Variants in SEMA5A observed in about 807,000 individuals in gnomAD.
The protein encoded by SEMA5A is semaphorin 5A, also known as semaphorin-5A.
Under a neutral mutation model 135.5 loss-of-function variants are expected in SEMA5A, and 55 were observed. The observed-to-expected ratio is 0.41, with a 90% CI of 0.33 to 0.51. The LOEUF (loss-of-function observed/expected upper bound fraction) is 0.51. SEMA5A is among the 20% of genes least tolerant of loss of function. SEMA5A has a pLI of 0.37. For synonymous variants in SEMA5A, 580 were observed against 546.5 expected (o/e 1.06, Z -0.85); for missense variants, 1,290 against 1,419.9 (o/e 0.91, Z 1.47).
At chr5:9,363,007 T>G (rs1484725136) in intron 3 of SEMA5A, among the ~76,000 whole-genome samples, 2 of 152,230 alleles carry the variant, frequency 1.3e-5, no homozygotes, top group Non-Finnish European at 2.9e-5. Flanking sequence ...TACTTTTTAC[T>G]TTTGAGTTTA....
intron 21 of SEMA5A, among the ~76,000 whole-genome samples, chr5:9,049,134 A>G (rs1405921229): frequency 1.3e-5 from 2 of 149,588 alleles, no homozygotes; most frequent in African/African-American, 4.9e-5. Flanking sequence ...AGAATGTCAC[A>G]GATAGTGAGC....
At chr5:9,448,027 T>C (rs1416885663) in intron 1 of SEMA5A, among the ~76,000 whole-genome samples, 1 of 152,192 alleles carries the variant, frequency 6.6e-6, no homozygotes, top group African/African-American at 2.4e-5. Context: ...AAGGTCGGCA[T>C]GTCCTGAAGT....
At chr5:9,140,075 CT>C (rs540481914) in intron 12 of SEMA5A, among the ~76,000 whole-genome samples, 65 of 152,296 alleles carry the variant, frequency 4.3e-4, no homozygotes, top group African/African-American at 1.3e-3. Context: ...AGTATGGTTT[CT>C]TTTCCCGTTA....
chr5:9,086,464 T>C (rs1439162083), intron 16 of SEMA5A, among the ~76,000 whole-genome samples: 2 of 151,734 alleles, frequency 1.3e-5, no homozygotes, highest in Non-Finnish European at 2.9e-5. Flanking sequence ...AAAATGGGAG[T>C]TTCCCTGCAC....
intron 2 of SEMA5A, among the ~76,000 whole-genome samples, chr5:9,382,775 C>T (rs916991): frequency 0.011 from 1,700 of 152,262 alleles, 29 homozygotes; most frequent in African/African-American, 0.039. Context: ...CCTATTGCAT[C>T]GATAAGCAGC....
chr5:9,505,991 G>A (rs1735861363), intron 1 of SEMA5A, among the ~76,000 whole-genome samples: 1 of 152,154 alleles, frequency 6.6e-6, no homozygotes, highest in African/African-American at 2.4e-5. Context: ...AAGAGAAATG[G>A]CACTGGACTA....
intron 11 of SEMA5A, among the ~76,000 whole-genome samples, chr5:9,183,438 C>T (rs375052341): frequency 2.0e-4 from 30 of 152,254 alleles, no homozygotes; most frequent in African/African-American, 6.5e-4. Context: ...CAGAAGCGTG[C>T]GATCTCATCC....
At chr5:9,538,671 T>C (rs1385555931) in intron 1 of SEMA5A, among the ~76,000 whole-genome samples, 1 of 152,276 alleles carries the variant, frequency 6.6e-6, no homozygotes, top group Non-Finnish European at 1.5e-5. Context: ...TGAGTTTAAC[T>C]GATTTAATCT....
At chr5:9,408,066 C>T (rs1054871040) in intron 2 of SEMA5A, among the ~76,000 whole-genome samples, 3 of 151,942 alleles carry the variant, frequency 2.0e-5, no homozygotes, top group Non-Finnish European at 2.9e-5. Context: ...CCACTACCAC[C>T]ACACCACACC....
At chr5:9,210,870 C>T (rs767567159) in intron 8 of SEMA5A, among the ~76,000 whole-genome samples, 68 of 152,248 alleles carry the variant, frequency 4.5e-4, no homozygotes, top group Admixed American at 3.4e-3. Context: ...CTCTTCCTTG[C>T]GGGTGGTGTA....
chr5:9,486,142 C>G (rs577557240), intron 1 of SEMA5A, among the ~76,000 whole-genome samples: 1 of 151,968 alleles, frequency 6.6e-6, no homozygotes, highest in Non-Finnish European at 1.5e-5. Flanking sequence ...AAATTGAAAG[C>G]CATCATCCTC....
intron 5 of SEMA5A, among the ~76,000 whole-genome samples, chr5:9,299,821 A>C (rs1751522186): frequency 6.6e-6 from 1 of 152,198 alleles, no homozygotes; most frequent in Non-Finnish European, 1.5e-5. Context: ...CAAAAGCCAT[A>C]CTTCACGTCT....
At chr5:9,476,897 C>A (rs528663441) in intron 1 of SEMA5A, among the ~76,000 whole-genome samples, 35 of 151,516 alleles carry the variant, frequency 2.3e-4, no homozygotes, top group African/African-American at 8.5e-4. Flanking sequence ...GGCAACATAG[C>A]AAGACCATGT....
chr5:9,434,017 A>G (rs1475828170), intron 2 of SEMA5A, among the ~76,000 whole-genome samples: 1 of 152,212 alleles, frequency 6.6e-6, no homozygotes, highest in Admixed American at 6.5e-5. Context: ...GACCTGCTCA[A>G]AATGAGAAAG....
intron 13 of SEMA5A, among the ~76,000 whole-genome samples, chr5:9,132,667 T>G (rs557260937): frequency 6.7e-6 from 1 of 148,466 alleles, no homozygotes; most frequent in East Asian, 2.0e-4. Context: ...AACACTAACT[T>G]TGGGAAACTC....
intron 5 of SEMA5A, among the ~76,000 whole-genome samples, chr5:9,314,249 T>C (rs772779781): frequency 6.6e-6 from 1 of 152,108 alleles, no homozygotes; most frequent in Non-Finnish European, 1.5e-5. Context: ...CTGTCACTTA[T>C]TATCTAAAAC....
chr5:9,300,107 G>A (rs1751542108), intron 5 of SEMA5A, among the ~76,000 whole-genome samples: 1 of 152,124 alleles, frequency 6.6e-6, no homozygotes, highest in Non-Finnish European at 1.5e-5. Context: ...GCTCACTGCA[G>A]CATCGAGCTC....
chr5:9,543,012 A>C (rs1335740279), intron 1 of SEMA5A, among the ~76,000 whole-genome samples: 1 of 152,218 alleles, frequency 6.6e-6, no homozygotes, highest in Non-Finnish European at 1.5e-5. Context: ...TATGACCAAA[A>C]ATAAAATCAC....
intron 16 of SEMA5A, among the ~76,000 whole-genome samples, chr5:9,089,409 G>A (rs985025190): frequency 1.3e-5 from 2 of 152,104 alleles, no homozygotes; most frequent in African/African-American, 4.8e-5. Flanking sequence ...TGGGTCAGAG[G>A]CCAGGAGTGC....
Sources: allele counts gnomAD v4.1 joint callset (sites outside exome capture counted in the v4.1 genomes callset), GRCh38; gene constraint gnomAD v4.1.1; transcripts MANE v1.5; gene names NCBI Gene and HGNC (gene_info 2026-07-23, HGNC 2026-07-21).